Variants in TBC1D1 observed in about 807,000 individuals in gnomAD.
TBC1D1 encodes TBC1 (tre-2/USP6, BUB2, cdc16) domain family, member 1.
In TBC1D1, 89 loss-of-function variants were observed where a neutral mutation model predicts 125.6. That is an observed-to-expected ratio of 0.71 (90% CI 0.60 to 0.85). TBC1D1 has a LOEUF of 0.85. TBC1D1 is among the 40% of genes least tolerant of loss of function. The pLI, the probability that TBC1D1 is intolerant of heterozygous loss-of-function variation, is 0.00. For synonymous variants in TBC1D1, 565 were observed against 564.1 expected (o/e 1.00, Z -0.02); for missense variants, 1,377 against 1,469.2 (o/e 0.94, Z 1.03).
chr4:37,925,757 A>G (rs1263191523), intron 2 of TBC1D1, among the ~76,000 whole-genome samples: 2 of 151,902 alleles, frequency 1.3e-5, no homozygotes, highest in Non-Finnish European at 2.9e-5. Context: ...ATAGTAACAT[A>G]TTAACAAAAA....
chr4:38,025,709 G>A (rs985522394), intron 6 of TBC1D1, among the ~76,000 whole-genome samples: 3 of 152,158 alleles, frequency 2.0e-5, no homozygotes, highest in African/African-American at 7.2e-5. Flanking sequence ...CATATGTGGG[G>A]GGGATTTTTA....
At chr4:38,098,533 A>G (rs1463826480) in intron 14 of TBC1D1, among the ~76,000 whole-genome samples, 1 of 152,204 alleles carries the variant, frequency 6.6e-6, no homozygotes, top group Non-Finnish European at 1.5e-5. Context: ...AGCATTCTGT[A>G]TACTGGAGTG....
At position 37,977,651 on chromosome 4, in the gene TBC1D1, A is replaced by T. The variant is rs2152357379; in HGVS notation, c.418-36858A>T. ...TGGAGGCCAGGCGCGGCGGGGGGCG[A>T]GCGGCGGGCGCGACCAGGTCGTTAG... On this transcript the variant is annotated intron_variant, in intron 2 of 19. Coordinates refer to ENST00000261439, the MANE Select transcript of TBC1D1 (RefSeq NM_015173.4). This position sits in a 1 kb window ranked among gnomAD's most constrained non-coding sequence, Gnocchi z 4.3. The T allele has an allele frequency of 5.3e-6, 1 of 187,616 alleles. No individual in the cohort carries two copies. Among genetic ancestry groups the T allele is most frequent in the Non-Finnish European group, 1.0e-5 (1 of 99,184 alleles). 11.6% of individuals were successfully genotyped at this position (187,616 alleles called of 1,614,324 possible).
At chr4:37,992,493 G>GTTTTT in intron 2 of TBC1D1, among the ~76,000 whole-genome samples, 1 of 125,518 alleles carries the variant, frequency 8.0e-6, no homozygotes, top group Non-Finnish European at 1.6e-5. Context: ...GAAGTCTGGT[G>GTTTTT]TTTTTTTTTT....
chr4:38,136,999 C>A, intron 19 of TBC1D1, 136 bp from the exon 22 acceptor site: 1 of 1,431,086 alleles, frequency 7.0e-7, no homozygotes, highest in Non-Finnish European at 9.6e-7. Flanking sequence ...GTGGCCAGAA[C>A]TGATGATAAA....
Position 38,090,015 on chromosome 4 carries a change from G to A in TBC1D1, c.2134G>A (p.Glu712Lys). 1 of 1,614,076 alleles carries A rather than the reference G, an allele frequency of 6.2e-7. No individual in the cohort carries two copies. The highest frequency in any genetic ancestry group is 8.5e-7 in the Non-Finnish European group (1 of 1,179,994). ...TGGGCCCTTTGGCCCCCCACCAGAG[G>A]AAAAGAAAAGGACATCTCGTGAGCT... The change falls in exon 13 of 20, where the codon GAA becomes AAA. Residue 712 changes from glutamate (E) to lysine (K), a missense_variant. Glu to Lys is a moderately conservative substitution (Grantham distance 56). Transcript: ENST00000261439.
intron 1 of TBC1D1, among the ~76,000 whole-genome samples, chr4:37,895,974 G>A (rs1482790833): frequency 2.6e-5 from 4 of 152,154 alleles, no homozygotes; most frequent in Non-Finnish European, 4.4e-5. Context: ...AAGTCAGTGA[G>A]CCTACTGCAT....
intron 11 of TBC1D1, chr4:38,051,899 T>A (rs551789914): frequency 6.5e-7 from 1 of 1,549,262 alleles, no homozygotes; most frequent in South Asian, 1.2e-5. Flanking sequence ...TGCTGTTTAG[T>A]GTGGATCCTT....
intron 5 of TBC1D1, 106 bp downstream of exon 5, chr4:38,020,801 A>G: frequency 1.2e-6 from 1 of 866,242 alleles, no homozygotes; most frequent in Non-Finnish European, 1.9e-6. Context: ...TTGACATATC[A>G]TTATTTGTCT....
intron 2 of TBC1D1, among the ~76,000 whole-genome samples, chr4:37,921,881 G>A (rs922550189): frequency 4.1e-5 from 6 of 148,084 alleles, no homozygotes; most frequent in South Asian, 2.1e-4. Context: ...GACTACAGGC[G>A]TGCACACCAT....
At chr4:37,970,777 G>A (rs1731860275) in intron 2 of TBC1D1, among the ~76,000 whole-genome samples, 1 of 152,222 alleles carries the variant, frequency 6.6e-6, no homozygotes, top group South Asian at 2.1e-4. Flanking sequence ...TTTGTGAACT[G>A]AATTCCTGAT....
At chr4:38,018,530 G>A (rs1743304511) in intron 4 of TBC1D1, 87 bp downstream of exon 4, 1 of 852,778 alleles carries the variant, frequency 1.2e-6, no homozygotes, top group South Asian at 1.7e-5. Flanking sequence ...AATGCTAAAG[G>A]TTACAAGGTG....
intron 2 of TBC1D1, among the ~76,000 whole-genome samples, chr4:37,997,511 C>T (rs1560590716): frequency 6.6e-6 from 1 of 151,898 alleles, no homozygotes; most frequent in South Asian, 2.1e-4. Flanking sequence ...GAAGTTTTTA[C>T]CTAGTAGCAG....
chr4:38,073,617 G>A (rs1016128224), intron 12 of TBC1D1, among the ~76,000 whole-genome samples: 3 of 152,034 alleles, frequency 2.0e-5, no homozygotes, highest in Admixed American at 6.5e-5. Context: ...AATCAGACTG[G>A]CCTGAACTTA....
At chr4:38,039,851 C>T (rs922855091) in intron 8 of TBC1D1, among the ~76,000 whole-genome samples, 28 of 152,134 alleles carry the variant, frequency 1.8e-4, no homozygotes, top group African/African-American at 5.3e-4. Context: ...CGGTGGCTCA[C>T]GCCTGTAATC....
chr4:38,064,015 A>G (rs563168829), intron 12 of TBC1D1, among the ~76,000 whole-genome samples: 2 of 151,726 alleles, frequency 1.3e-5, no homozygotes, highest in East Asian at 3.9e-4. Context: ...CTAACCATAG[A>G]CAGCCCCTAA....
At chr4:38,131,850 C>A (rs1039685870) in intron 18 of TBC1D1, among the ~76,000 whole-genome samples, 3 of 152,184 alleles carry the variant, frequency 2.0e-5, no homozygotes, top group African/African-American at 7.2e-5. Context: ...TGCACACACA[C>A]CCCACAGATA....
chr4:38,102,924 G>T, intron 14 of TBC1D1, 75 bp from the exon 17 acceptor site: 167 of 1,305,712 alleles, frequency 1.3e-4, no homozygotes, highest in Non-Finnish European at 1.6e-4. Context: ...AATGGAACAT[G>T]AAACACAATT....
intron 2 of TBC1D1, among the ~76,000 whole-genome samples, chr4:37,907,329 C>G (rs1214449082): frequency 1.3e-5 from 2 of 152,152 alleles, no homozygotes; most frequent in African/African-American, 4.8e-5. Flanking sequence ...AAATCTGAAA[C>G]TATATCAAAG....
Sources: gnomAD v4.1 joint callset for allele counts (sites outside exome capture counted in the v4.1 genomes callset) on GRCh38, gnomAD v4.1.1 for gene constraint, Gnocchi (gnomAD v3.1) non-coding constraint, MANE v1.5 for transcripts, NCBI Gene and HGNC (gene_info 2026-07-23, HGNC 2026-07-21) for gene names.